The following ARHGAP15 variants were observed in gnomAD, a reference collection of about 807,000 sequenced individuals.
ARHGAP15 encodes the protein rho GTPase-activating protein 15.
In ARHGAP15, 51 loss-of-function variants were observed where a neutral mutation model predicts 63.7. The ratio of observed to expected loss-of-function variants is 0.80; its 90% CI spans 0.64 to 1.01. The LOEUF is 1.01. Ranked by LOEUF, ARHGAP15 falls within the 50% of genes least tolerant of loss-of-function variation. The probability of loss-of-function intolerance (pLI) is 0.00; values close to 1 mark genes in which losing one functional copy is unlikely to be tolerated. For missense variants in ARHGAP15, 560 were observed against 564.6 expected, an observed-to-expected ratio of 0.99 and a Z score of 0.08; for synonymous variants, 191 against 193.8, an observed-to-expected ratio of 0.99 and a Z score of 0.12.
intron 6 of ARHGAP15, among the ~76,000 whole-genome samples, chr2:143,380,004 G>A (rs1203283761): frequency 6.6e-6 from 1 of 151,868 alleles, no homozygotes; most frequent in African/African-American, 2.4e-5. Flanking sequence ...CAGTATAGTA[G>A]GTACTTTCCA....
At chr2:143,598,730 AC>A (rs1447252883) in intron 11 of ARHGAP15, among the ~76,000 whole-genome samples, 3 of 151,582 alleles carry the variant, frequency 2.0e-5, no homozygotes, top group Non-Finnish European at 4.4e-5. Context: ...GCAAAGCAAA[AC>A]CCCCATCTCC....
At chr2:143,699,726 A>T (rs1029258838) in intron 12 of ARHGAP15, among the ~76,000 whole-genome samples, 7 of 152,234 alleles carry the variant, frequency 4.6e-5, no homozygotes, top group African/African-American at 1.7e-4. Flanking sequence ...ACCAAATAGT[A>T]TGCTAACTGC....
chr2:143,762,224 A>G (rs1380388562), intron 13 of ARHGAP15, among the ~76,000 whole-genome samples: 1 of 152,168 alleles, frequency 6.6e-6, no homozygotes, highest in Non-Finnish European at 1.5e-5. Context: ...ATTCCCAAAT[A>G]TTGACATAAG....
intron 11 of ARHGAP15, among the ~76,000 whole-genome samples, chr2:143,587,347 A>G (rs1234024517): frequency 6.6e-6 from 1 of 151,902 alleles, no homozygotes; most frequent in Non-Finnish European, 1.5e-5. Flanking sequence ...TGCTATGGCT[A>G]TTTTTGTTTT....
intron 8 of ARHGAP15, among the ~76,000 whole-genome samples, chr2:143,470,987 CAT>C (rs202012903): frequency 0.012 from 1,464 of 125,366 alleles, 28 homozygotes; most frequent in African/African-American, 0.036. Context: ...ACACGTGTAT[CAT>C]ATACATGTGT....
intron 11 of ARHGAP15, among the ~76,000 whole-genome samples, chr2:143,569,560 A>G (rs562213229): frequency 6.6e-6 from 1 of 152,154 alleles, no homozygotes; most frequent in Non-Finnish European, 1.5e-5. Context: ...GGCTTCTGTG[A>G]GATCAGGACA....
At chr2:143,229,238 G>A (rs1395979615) in intron 5 of ARHGAP15, among the ~76,000 whole-genome samples, 1 of 152,042 alleles carries the variant, frequency 6.6e-6, no homozygotes, top group African/African-American at 2.4e-5. Flanking sequence ...TACCAATGAG[G>A]AAACACTCTA....
intron 11 of ARHGAP15, among the ~76,000 whole-genome samples, chr2:143,576,222 A>T (rs1696676707): frequency 1.3e-5 from 2 of 152,108 alleles, no homozygotes; most frequent in South Asian, 4.1e-4. Flanking sequence ...TTACAAAATA[A>T]TTTCCCACCA....
chr2:143,400,542 C>T (rs1687946441), intron 6 of ARHGAP15, among the ~76,000 whole-genome samples: 2 of 151,840 alleles, frequency 1.3e-5, no homozygotes, highest in South Asian at 4.1e-4. Flanking sequence ...ATGCAAGTGC[C>T]ATGCAAATCC....
chr2:143,319,301 T>C (rs1267151419), intron 6 of ARHGAP15, among the ~76,000 whole-genome samples: 2 of 151,710 alleles, frequency 1.3e-5, no homozygotes, highest in Non-Finnish European at 2.9e-5. Flanking sequence ...CTCAGTTCAC[T>C]GCAGCCTCAG....
chr2:143,627,760 TA>T (rs1411688747), intron 12 of ARHGAP15, among the ~76,000 whole-genome samples: 1 of 152,106 alleles, frequency 6.6e-6, no homozygotes, highest in Non-Finnish European at 1.5e-5. Context: ...TCTTCCCTTT[TA>T]TTCTCTGTAC....
At chr2:143,536,587 C>T (rs1574596329) in intron 10 of ARHGAP15, among the ~76,000 whole-genome samples, 1 of 147,874 alleles carries the variant, frequency 6.8e-6, no homozygotes, top group African/African-American at 2.5e-5. Flanking sequence ...TGTGTTCTCA[C>T]TGTTCAATTC....
At chr2:143,429,575 C>A (rs944589104) in intron 6 of ARHGAP15, among the ~76,000 whole-genome samples, 2 of 152,040 alleles carry the variant, frequency 1.3e-5, no homozygotes, top group African/African-American at 4.8e-5. Flanking sequence ...CTGAGGGTTC[C>A]AATAAATGTA....
At chr2:143,527,450 G>A (rs548620752) in intron 10 of ARHGAP15, among the ~76,000 whole-genome samples, 10 of 150,210 alleles carry the variant, frequency 6.7e-5, no homozygotes, top group South Asian at 6.3e-4. Context: ...GATTTTATAC[G>A]TTTCAAGTCG....
chr2:143,210,637 G>T (rs1251846413), intron 3 of ARHGAP15, among the ~76,000 whole-genome samples: 1 of 152,116 alleles, frequency 6.6e-6, no homozygotes, highest in East Asian at 1.9e-4. Flanking sequence ...AAGTAAGGGA[G>T]GGAGGCTACC....
chr2:143,553,773 T>C (rs1695672911), intron 10 of ARHGAP15, among the ~76,000 whole-genome samples: 1 of 152,176 alleles, frequency 6.6e-6, no homozygotes, highest in South Asian at 2.1e-4. Flanking sequence ...TCTTATATTG[T>C]AACACTCTAA....
intron 13 of ARHGAP15, among the ~76,000 whole-genome samples, chr2:143,740,923 A>G (rs1397623021): frequency 6.6e-6 from 1 of 151,352 alleles, no homozygotes; most frequent in East Asian, 1.9e-4. Flanking sequence ...TGGTTAATTG[A>G]AAAAAAAAGA....
intron 10 of ARHGAP15, among the ~76,000 whole-genome samples, chr2:143,534,170 G>C (rs1694644475): frequency 6.6e-6 from 1 of 152,136 alleles, no homozygotes; most frequent in South Asian, 2.1e-4. Flanking sequence ...TAGTGAGTGA[G>C]TTCTCACGAG....
intron 8 of ARHGAP15, among the ~76,000 whole-genome samples, chr2:143,443,038 A>G (rs1689961719): frequency 6.6e-6 from 1 of 152,194 alleles, no homozygotes; most frequent in Non-Finnish European, 1.5e-5. Context: ...TATGTAATTA[A>G]GAAAACTTTT....
Sources: gnomAD v4.1 joint callset for allele counts (sites outside exome capture counted in the v4.1 genomes callset) on GRCh38, gnomAD v4.1.1 for gene constraint, MANE v1.5 for transcripts, NCBI Gene and HGNC (gene_info 2026-07-23, HGNC 2026-07-21) for gene names.